The following NRROS variants were observed in gnomAD, a reference collection of about 807,000 sequenced individuals.
NRROS encodes negative regulator of reactive oxygen species, also known as transforming growth factor beta activator LRRC33.
In NRROS, 6 loss-of-function variants were observed where a neutral mutation model predicts 12.0. That is an observed-to-expected ratio of 0.50 (90% CI 0.27 to 0.98). NRROS has a LOEUF of 0.98. NRROS is among the 50% of genes least tolerant of loss of function. The pLI is 0.11. For synonymous variants in NRROS, 462 were observed against 410.2 expected (o/e 1.13, Z -1.53); for missense variants, 857 against 888.2 (o/e 0.96, Z 0.45).
chr3:196,657,609 A>G (rs570874570), intron 2 of NRROS, among the ~76,000 whole-genome samples: 4 of 151,840 alleles, frequency 2.6e-5, no homozygotes, highest in Admixed American at 2.6e-4. Flanking sequence ...TGGGAGGCTA[A>G]GGCAGCAGAA....
chr3:196,651,184 C>T (rs113377115), intron 1 of NRROS, among the ~76,000 whole-genome samples: 34 of 152,284 alleles, frequency 2.2e-4, no homozygotes, highest in African/African-American at 7.5e-4. Context: ...ACACACTCTA[C>T]GAAGAGTGTT....
intron 1 of NRROS, among the ~76,000 whole-genome samples, chr3:196,643,511 A>G (rs184512726): frequency 5.1e-4 from 78 of 152,320 alleles, no homozygotes; most frequent in African/African-American, 1.8e-3. Context: ...TGCACCAAGC[A>G]ACTTTCTGCT....
intron 1 of NRROS, among the ~76,000 whole-genome samples, chr3:196,653,136 G>A (rs1227265738): frequency 1.3e-5 from 2 of 152,146 alleles, no homozygotes; most frequent in Admixed American, 1.3e-4. Context: ...TCTCTTCCCT[G>A]TGCCGGCCAC....
chr3:196,642,367 G>C (rs1737225712), intron 1 of NRROS, among the ~76,000 whole-genome samples: 1 of 151,746 alleles, frequency 6.6e-6, no homozygotes, highest in East Asian at 1.9e-4. Context: ...GCTGAGTCCA[G>C]ATGCTCAAAT....
intron 2 of NRROS, 51 bp from the exon 3 acceptor site, chr3:196,659,696 CATAAA>C: frequency 6.5e-7 from 1 of 1,531,538 alleles, no homozygotes; most frequent in Admixed American, 2.0e-5. Context: ...AGTTTCTATG[CATAAA>C]TGCTTGCCTC....
intron 1 of NRROS, among the ~76,000 whole-genome samples, chr3:196,650,440 G>A (rs995940223): frequency 6.6e-5 from 10 of 152,072 alleles, no homozygotes; most frequent in Non-Finnish European, 1.0e-4. Flanking sequence ...CACTGCGCCC[G>A]GCCATTTTTG....
intron 2 of NRROS, among the ~76,000 whole-genome samples, chr3:196,658,840 T>TGG (rs1491431082): frequency 1.8e-4 from 28 of 151,826 alleles, no homozygotes; most frequent in Non-Finnish European, 3.7e-4. Flanking sequence ...CGTGGTGGCA[T>TGG]GTGCCTGTAA....
intron 1 of NRROS, among the ~76,000 whole-genome samples, chr3:196,646,725 C>G (rs1048558470): frequency 1.2e-4 from 19 of 152,322 alleles, no homozygotes; most frequent in South Asian, 6.2e-4. Flanking sequence ...TGAATCCCCC[C>G]CCGATGGAGG....
At chr3:196,650,205 T>C (rs1737395481) in intron 1 of NRROS, among the ~76,000 whole-genome samples, 1 of 152,192 alleles carries the variant, frequency 6.6e-6, no homozygotes, top group Admixed American at 6.5e-5. Flanking sequence ...TGGAGTGCAA[T>C]AGCGAGATCT....
intron 1 of NRROS, among the ~76,000 whole-genome samples, chr3:196,651,846 A>G (rs1195984560): frequency 6.6e-6 from 1 of 152,180 alleles, no homozygotes; most frequent in Admixed American, 6.5e-5. Context: ...AAGAAACTCT[A>G]GGATGTCTCT....
intron 2 of NRROS, 56 bp from the exon 3 acceptor site, chr3:196,659,696 C>T: frequency 6.5e-7 from 1 of 1,531,538 alleles, no homozygotes; most frequent in South Asian, 1.2e-5. Context: ...AGTTTCTATG[C>T]ATAAATGCTT....
chr3:196,646,004 CGTGTCCTCCT>C (rs1737301741), intron 1 of NRROS, among the ~76,000 whole-genome samples: 1 of 152,268 alleles, frequency 6.6e-6, no homozygotes, highest in South Asian at 2.1e-4. Context: ...CCAGTGGGGG[CGTGTCCTCCT>C]GCAGGCCTTG....
chr3:196,642,396 T>C (rs1043850091), intron 1 of NRROS, among the ~76,000 whole-genome samples: 1 of 152,042 alleles, frequency 6.6e-6, no homozygotes, highest in African/African-American at 2.4e-5. Context: ...CAGGAATCCA[T>C]CTGTCTCCTT....
At chr3:196,655,351 A>G (rs1737514958) in intron 2 of NRROS, among the ~76,000 whole-genome samples, 1 of 151,934 alleles carries the variant, frequency 6.6e-6, no homozygotes, top group Non-Finnish European at 1.5e-5. Context: ...CCTGGCCAAC[A>G]TGGTGAAACC....
At chr3:196,645,573 G>C (rs1241427534) in intron 1 of NRROS, among the ~76,000 whole-genome samples, 1 of 152,150 alleles carries the variant, frequency 6.6e-6, no homozygotes, top group African/African-American at 2.4e-5. Context: ...ACAGTGAAGA[G>C]CCCGGACAGA....
intron 1 of NRROS, among the ~76,000 whole-genome samples, chr3:196,649,751 T>C (rs1308129): frequency 6.6e-6 from 1 of 152,224 alleles, no homozygotes; most frequent in African/African-American, 2.4e-5. Context: ...ATTACAGGCG[T>C]GAGCCACTGC....
intron 1 of NRROS, among the ~76,000 whole-genome samples, chr3:196,644,734 T>C (rs1310825495): frequency 7.0e-6 from 1 of 142,084 alleles, no homozygotes; most frequent in Non-Finnish European, 1.5e-5. Context: ...GATCGCACCA[T>C]TGCACTCCAG....
chr3:196,652,261 A>G (rs1737443444), intron 1 of NRROS, among the ~76,000 whole-genome samples: 1 of 152,142 alleles, frequency 6.6e-6, no homozygotes, highest in Admixed American at 6.5e-5. Context: ...CTGTTGAACT[A>G]CCTTGGAGAT....
intron 1 of NRROS, among the ~76,000 whole-genome samples, chr3:196,652,582 C>T (rs1737449831): frequency 6.6e-6 from 1 of 152,168 alleles, no homozygotes; most frequent in Non-Finnish European, 1.5e-5. Context: ...CTGCCAGGGC[C>T]ACAACAAGAG....
Sources: gnomAD v4.1 joint callset for allele counts (sites outside exome capture counted in the v4.1 genomes callset) on GRCh38, gnomAD v4.1.1 for gene constraint, MANE v1.5 for transcripts, NCBI Gene and HGNC (gene_info 2026-07-23, HGNC 2026-07-21) for gene names.